Variants in MMP17 observed in about 807,000 individuals in gnomAD.
MMP17 encodes the protein matrix metallopeptidase 17.
A neutral mutation model predicts 49.1 loss-of-function variants in MMP17; 54 were observed. The ratio of observed to expected loss-of-function variants is 1.10; its 90% CI spans 0.88 to 1.38. The LOEUF is 1.38. MMP17 is among the 40% of genes most tolerant of loss of function. MMP17 has a pLI of 0.00. For synonymous variants in MMP17, 397 were observed against 383.1 expected (o/e 1.04, Z -0.42); for missense variants, 837 against 853.7 (o/e 0.98, Z 0.24).
At chr12:131,834,951 C>T (rs866465124) in intron 1 of MMP17, among the ~76,000 whole-genome samples, 1 of 152,200 alleles carries the variant, frequency 6.6e-6, no homozygotes, top group African/African-American at 2.4e-5. Context: ...CAGGGCTGGG[C>T]GAGGGCGCCT....
chr12:131,833,614 C>T (rs1257112719), intron 1 of MMP17, among the ~76,000 whole-genome samples: 2 of 152,244 alleles, frequency 1.3e-5, no homozygotes, highest in East Asian at 3.8e-4. Flanking sequence ...TGACCGTGTG[C>T]TGTGTGACCG....
rs945556646 is a variant in MMP17 at position 131,846,249 on chromosome 12, C to A, written c.1204+800C>A. On this transcript the variant is annotated intron_variant, in intron 8 of 9. Transcript: ENST00000360564. This position sits in a 1 kb window ranked among gnomAD's most constrained non-coding sequence, Gnocchi z 4.6. ...AGGCCTCTCCCACATCCAGTGTCAC[C>A]CTCAGCCACATCCCTCCTGCCACCG... 3.2e-4 allele frequency among the ~76,000 whole-genome samples: 48 copies of A among 152,312 alleles called. No individual in the cohort carries two copies. The highest frequency in any genetic ancestry group is 1.1e-3 in the African/African-American group (47 of 41,570).
rs755994923 is a variant in MMP17 at position 131,849,975 on chromosome 12, C to T, written c.1378C>T (p.His460Tyr). The T allele has an allele frequency of 1.2e-6, 2 of 1,613,802 alleles. No homozygotes were observed. The highest frequency in any genetic ancestry group is 1.7e-5 in the Admixed American group (1 of 60,006). The change falls in exon 9 of 10, where the codon CAC becomes TAC. Residue 460 changes from histidine (H) to tyrosine (Y), a missense_variant. By Grantham distance (83) the His-to-Tyr change is moderately conservative (BLOSUM62 2). Transcript: ENST00000360564. ...LYWRYDDHTR[H>Y]MDPGYPAQSP... ...CTGGCGCTACGATGACCACACGAGG[C>T]ACATGGACCCCGGCTACCCCGCCCA...
In MMP17 at chr12:131,851,125, G is replaced by A; in HGVS notation, c.1663G>A (p.Glu555Lys). 6.3e-7 allele frequency: 1 copy of A among 1,588,002 alleles called. No homozygotes were observed. Among genetic ancestry groups the A allele is most frequent in the Non-Finnish European group, 8.6e-7 (1 of 1,167,896 alleles). The change falls in exon 10 of 10, where the codon GAG becomes AAG. Residue 555 changes from glutamate to lysine, a missense_variant. Physicochemically the swap from Glu to Lys is moderately conservative, Grantham distance 56. Coordinates refer to ENST00000360564, the MANE Select transcript of MMP17 (RefSeq NM_016155.7). ...AGGACAACATGACCAGAGCCGCTCG[G>A]AGGACGGTTACGAGGTCTGCTCATG... is the stretch of plus-strand genomic sequence containing the variant. ...PPGQHDQSRS[E>K]DGYEVCSCTS...
chr12:131,836,933 C>G (rs1054151330), intron 1 of MMP17, among the ~76,000 whole-genome samples: 1 of 152,098 alleles, frequency 6.6e-6, no homozygotes, highest in African/African-American at 2.4e-5. Flanking sequence ...CACGATGGCA[C>G]CCAGGTCCCC....
chr12:131,843,089 G>A (rs552118986), intron 5 of MMP17, among the ~76,000 whole-genome samples: 9 of 151,922 alleles, frequency 5.9e-5, no homozygotes, highest in East Asian at 3.9e-4. Context: ...TCAGCCTTCC[G>A]AGTAGCTGGG....
At chr12:131,849,755 C>T (rs764380163) in intron 8 of MMP17, 47 bp from the exon 9 acceptor site, 43 of 1,569,734 alleles carry the variant, frequency 2.7e-5, no homozygotes, top group African/African-American at 1.6e-4. Context: ...TCCTGCCCTT[C>T]GGGGTGGGGC....
Position 131,845,102 on chromosome 12 carries a change from G to A in MMP17, c.969-16G>A. 1 of 1,598,038 alleles carries A rather than the reference G, an allele frequency of 6.3e-7. No homozygotes were observed. The highest frequency in any genetic ancestry group is 8.5e-7 in the Non-Finnish European group (1 of 1,175,562). ...CCAGGCCCCGCCTCCCAGCCCACCT[G>A]GCTCTCTCCCTGCAGGCCCAGGAAG... On this transcript the variant is annotated splice_polypyrimidine_tract_variant and intron_variant, in intron 6 of 9. Coordinates refer to ENST00000360564, the MANE Select transcript of MMP17 (RefSeq NM_016155.7).
rs139641111 is a variant in MMP17, at chr12:131,841,752, C to T, written c.835C>T (p.Arg279Cys). Reference sequence around the variant, plus strand: ...CCAGGGCCCGGTGGGTGACCCGCTGCGCTACGGGCTCCCCTACGAGGACAA... The same window carrying T: ...CCAGGGCCCGGTGGGTGACCCGCTGTGCTACGGGCTCCCCTACGAGGACAA... The part of the protein sequence containing the change: ...YYQGPVGDPL[R>C]YGLPYEDKVR... The change falls in exon 5 of 10, where the codon CGC becomes TGC. Residue 279 changes from arginine (R) to cysteine (C), a missense_variant. Physicochemically the swap from Arg to Cys is radical, Grantham distance 180 (BLOSUM62 -3). Coordinates refer to ENST00000360564, the MANE Select transcript of MMP17 (RefSeq NM_016155.7). 9.7e-5 allele frequency: 156 copies of T among 1,612,550 alleles called. No homozygotes were observed. The highest frequency in any genetic ancestry group is 1.2e-4 in the African/African-American group (9 of 74,912).
chr12:131,849,195 T>A (rs961925024), intron 8 of MMP17, among the ~76,000 whole-genome samples: 6 of 152,132 alleles, frequency 3.9e-5, no homozygotes, highest in African/African-American at 1.4e-4. Context: ...GAGAAAAGTG[T>A]ATTTAACGCA....
rs138526750 is a variant in MMP17 at position 131,849,448 on chromosome 12, A to G, written c.1205-354A>G. Among the ~76,000 whole-genome samples the G allele has an allele frequency of 6.8e-3, 1,040 of 152,300 alleles. 13 individuals carry two copies. Among genetic ancestry groups the G allele is most frequent in the African/African-American group, 0.023 (975 of 41,578 alleles). ...CAGTGAACCGAGATCAAGTCACTGC[A>G]CTCCAGCCTGGGTGACACAGCAAGA... On this transcript the variant is annotated intron_variant, in intron 8 of 9. Coordinates refer to ENST00000360564, the MANE Select transcript of MMP17 (RefSeq NM_016155.7).
chr12:131,832,693 C>T (rs945878250), intron 1 of MMP17, among the ~76,000 whole-genome samples: 1 of 152,042 alleles, frequency 6.6e-6, no homozygotes, highest in African/African-American at 2.4e-5. Flanking sequence ...GACAGGACGG[C>T]AGGGACAGGA....
intron 1 of MMP17, among the ~76,000 whole-genome samples, chr12:131,834,250 T>C (rs1022018366): frequency 6.6e-6 from 1 of 152,124 alleles, no homozygotes; most frequent in African/African-American, 2.4e-5. Flanking sequence ...GGGTTGGGGC[T>C]CCCTGGAGCT....
chr12:131,828,628 G>A lies in MMP17; in HGVS notation c.134G>A (p.Arg45His), dbSNP rs540610525. The A allele has an allele frequency of 2.7e-6, 2 of 740,162 alleles. No homozygotes were observed. Among genetic ancestry groups the A allele is most frequent in the African/African-American group, 3.8e-5 (2 of 52,438 alleles). The allele number at this position is 740,162 out of a possible 1,614,324, so 45.8% of individuals were successfully genotyped here. ...GGCAAPAPAP[R>H]AEDLSLGVEW... ...TGCGCCGCGCCCGCACCCGCGCCGC[G>A]CGCCGAGGACCTCAGCCTGGGAGTG... Residue 45 changes from arginine (R) to histidine (H), a missense_variant, in exon 1 of 10, where the codon CGC (arginine) becomes CAC (histidine). By Grantham distance (29) the Arg-to-His change is conservative. Transcript: ENST00000360564.
At position 131,849,348 on chromosome 12, in the gene MMP17, G is replaced by C. The variant is rs60605033; in HGVS notation, c.1205-454G>C. On this transcript the variant is annotated intron_variant, in intron 8 of 9. Coordinates refer to ENST00000360564, the MANE Select transcript of MMP17 (RefSeq NM_016155.7). ...AAAATACAAAAATTAGCTGGGTGTG[G>C]TGGTGGGCGCCTGTAATCCCAGCTA... Among the ~76,000 whole-genome samples, 2,917 of 152,288 alleles carry C rather than the reference G, an allele frequency of 0.019. 254 individuals are homozygous for C. In the East Asian group the frequency reaches 0.29, roughly 15 times the overall value.
intron 8 of MMP17, among the ~76,000 whole-genome samples, chr12:131,848,437 T>G (rs1440089925): frequency 1.3e-5 from 2 of 151,954 alleles, no homozygotes; most frequent in Non-Finnish European, 2.9e-5. Flanking sequence ...CTTTACTATT[T>G]CAGCCATTTT....
chr12:131,843,830 C>T (rs750545162), intron 5 of MMP17, among the ~76,000 whole-genome samples, 167 bp from the exon 6 acceptor site: 4 of 152,160 alleles, frequency 2.6e-5, no homozygotes, highest in Admixed American at 1.3e-4. Context: ...ACTCCCACCT[C>T]GACGTCAGCT....
intron 5 of MMP17, among the ~76,000 whole-genome samples, chr12:131,843,419 G>T (rs1451022940): frequency 6.6e-6 from 1 of 151,544 alleles, no homozygotes; most frequent in African/African-American, 2.4e-5. Context: ...CTAATTTTTA[G>T]ATTTTTTTGT....
chr12:131,840,996 A>T (rs1887378881), intron 4 of MMP17, 140 bp downstream of exon 4: 1 of 1,122,822 alleles, frequency 8.9e-7, no homozygotes, highest in African/African-American at 1.6e-5. Flanking sequence ...GGCATTTCCC[A>T]CTAGGCCGAT....
Sources: allele counts gnomAD v4.1 joint callset (sites outside exome capture counted in the v4.1 genomes callset), GRCh38; gene constraint gnomAD v4.1.1; non-coding constraint Gnocchi (gnomAD v3.1); transcripts MANE v1.5; gene names NCBI Gene and HGNC (gene_info 2026-07-23, HGNC 2026-07-21).